Variants in ENTREP2 observed in about 807,000 individuals in gnomAD.
The protein encoded by ENTREP2 is endosomal transmembrane epsin interactor 2, also known as protein ENTREP2.
the ENTREP2 span, among the ~76,000 whole-genome samples, chr15:29,519,614 G>A: frequency 6.6e-6 from 1 of 152,164 alleles, no homozygotes; most frequent in Non-Finnish European, 1.5e-5. Flanking sequence ...TACATAATGT[G>A]TTAATTGACC....
the ENTREP2 span, among the ~76,000 whole-genome samples, chr15:29,228,823 C>G: frequency 0.012 from 1,753 of 152,208 alleles, 40 homozygotes; most frequent in African/African-American, 0.036. Flanking sequence ...ATACTATGAA[C>G]TATTTTATGC....
chr15:29,252,288 G>C, the ENTREP2 span: 3 of 836,952 alleles, frequency 3.6e-6, no homozygotes, highest in Non-Finnish European at 5.6e-6. Context: ...TAAGAATACA[G>C]TAAAATTATT....
At chr15:29,333,032 A>G in the ENTREP2 span, among the ~76,000 whole-genome samples, 6 of 151,792 alleles carry the variant, frequency 4.0e-5, no homozygotes, top group African/African-American at 1.5e-4. Flanking sequence ...TTCTAATTAG[A>G]GCACATGGGG....
chr15:29,215,266 G>A, the ENTREP2 span, among the ~76,000 whole-genome samples: 5 of 152,136 alleles, frequency 3.3e-5, no homozygotes, highest in African/African-American at 1.2e-4. Context: ...TGAGGGTGTT[G>A]CCAAAGGAGA....
the ENTREP2 span, among the ~76,000 whole-genome samples, chr15:29,159,154 T>A: frequency 9.2e-3 from 1,394 of 151,958 alleles, 20 homozygotes; most frequent in African/African-American, 0.031. Context: ...GTGTCTGGAG[T>A]CTGTTCGTTC....
the ENTREP2 span, among the ~76,000 whole-genome samples, chr15:29,437,432 T>C: frequency 1.3e-5 from 2 of 152,242 alleles, no homozygotes; most frequent in African/African-American, 2.4e-5. Flanking sequence ...AAAAACACTG[T>C]CTTCTATTAA....
the ENTREP2 span, among the ~76,000 whole-genome samples, chr15:29,575,556 G>A: frequency 6.6e-6 from 1 of 152,070 alleles, no homozygotes; most frequent in Non-Finnish European, 1.5e-5. Flanking sequence ...AATTGTAAAG[G>A]AAGAAGCAAA....
the ENTREP2 span, among the ~76,000 whole-genome samples, chr15:29,260,700 G>C: frequency 6.6e-6 from 1 of 152,106 alleles, no homozygotes; most frequent in Non-Finnish European, 1.5e-5. Context: ...GGATACAGAC[G>C]AAATAAGATT....
At chr15:29,650,318 C>T in the ENTREP2 span, among the ~76,000 whole-genome samples, 4 of 152,162 alleles carry the variant, frequency 2.6e-5, no homozygotes, top group African/African-American at 9.7e-5. Context: ...CTAGGCCACA[C>T]GCGGTGGCTC....
the ENTREP2 span, among the ~76,000 whole-genome samples, chr15:29,539,809 C>A: frequency 6.6e-6 from 1 of 152,154 alleles, no homozygotes; most frequent in East Asian, 1.9e-4. Context: ...CCACATCCTG[C>A]CCAGAGCAGC....
At chr15:29,414,887 T>C in the ENTREP2 span, among the ~76,000 whole-genome samples, 2 of 152,098 alleles carry the variant, frequency 1.3e-5, no homozygotes, top group Admixed American at 1.3e-4. Context: ...ACAAATAAAC[T>C]AGAAAATCTA....
the ENTREP2 span, among the ~76,000 whole-genome samples, chr15:29,501,516 TA>T: frequency 1.3e-5 from 2 of 152,020 alleles, no homozygotes; most frequent in African/African-American, 4.8e-5. Flanking sequence ...GAAAATTTCT[TA>T]ACCTGATAAA....
At chr15:29,386,530 T>C in the ENTREP2 span, among the ~76,000 whole-genome samples, 4 of 152,342 alleles carry the variant, frequency 2.6e-5, no homozygotes, top group Non-Finnish European at 5.9e-5. Context: ...GTGAGTGTTG[T>C]GTCAAGCTGC....
the ENTREP2 span, among the ~76,000 whole-genome samples, chr15:29,250,559 C>T: frequency 3.5e-4 from 53 of 152,268 alleles, no homozygotes; most frequent in African/African-American, 1.3e-3. Flanking sequence ...GGGGTCAGCC[C>T]TTCAAGCTTG....
At chr15:29,467,454 T>C in the ENTREP2 span, among the ~76,000 whole-genome samples, 1 of 152,140 alleles carries the variant, frequency 6.6e-6, no homozygotes, top group Non-Finnish European at 1.5e-5. Flanking sequence ...TAAAGTACTG[T>C]TCCATTTCCA....
chr15:29,538,177 G>A, the ENTREP2 span, among the ~76,000 whole-genome samples: 1 of 152,164 alleles, frequency 6.6e-6, no homozygotes, highest in African/African-American at 2.4e-5. Context: ...ATGCTTGAAT[G>A]AGGGAGAGGG....
the ENTREP2 span, among the ~76,000 whole-genome samples, chr15:29,655,795 G>C: frequency 6.6e-6 from 1 of 152,258 alleles, no homozygotes; most frequent in East Asian, 1.9e-4. Flanking sequence ...GGAGGCCAAG[G>C]GGGGTGGATC....
chr15:29,589,669 G>C, the ENTREP2 span, among the ~76,000 whole-genome samples: 18 of 152,126 alleles, frequency 1.2e-4, no homozygotes, highest in Non-Finnish European at 1.9e-4. Flanking sequence ...GCCCCGCTGC[G>C]GATTTACAGC....
At chr15:29,292,537 C>T in the ENTREP2 span, among the ~76,000 whole-genome samples, 80,415 of 151,898 alleles carry the variant, frequency 0.53, 23,528 homozygotes, top group Non-Finnish European at 0.68. Context: ...CGTGCCACTA[C>T]GCATGGCTAA....
Sources: allele counts gnomAD v4.1 joint callset (sites outside exome capture counted in the v4.1 genomes callset), GRCh38; gene constraint gnomAD v4.1.1; transcripts MANE v1.5; gene names NCBI Gene and HGNC (gene_info 2026-07-23, HGNC 2026-07-21).